Variants in HDC observed in about 807,000 individuals in gnomAD.
HDC encodes the protein histidine decarboxylase.
Under a neutral mutation model 64.4 loss-of-function variants are expected in HDC, and 27 were observed. That is an observed-to-expected ratio of 0.42 (90% CI 0.31 to 0.58). HDC has a LOEUF of 0.58. Ranked by LOEUF, HDC falls within the 20% of genes least tolerant of loss-of-function variation. HDC has a pLI of 0.16. For missense variants in HDC, 711 were observed against 833.9 expected (o/e 0.85, Z 1.81); for synonymous variants, 305 against 314.2 (o/e 0.97, Z 0.31).
chr15:50,253,417 G>T, intron 7 of HDC, 183 bp downstream of exon 7: 1 of 680,872 alleles, frequency 1.5e-6, no homozygotes, highest in Non-Finnish European at 2.7e-6. Flanking sequence ...CACACCACTG[G>T]GAAAGGCAAT....
At chr15:50,263,650 A>G (rs1332519768) in intron 1 of HDC, among the ~76,000 whole-genome samples, 1 of 152,058 alleles carries the variant, frequency 6.6e-6, no homozygotes, top group East Asian at 1.9e-4. Flanking sequence ...AATACAAAAA[A>G]TTAGCCGGGC....
chr15:50,254,594 G>GT lies in HDC; in HGVS notation c.511dup (p.Thr171AsnfsTer3). The GT allele has an allele frequency of 1.2e-6, 2 of 1,614,200 alleles. No individual in the cohort carries two copies. The highest frequency in any genetic ancestry group is 1.7e-6 in the Non-Finnish European group (2 of 1,180,014). On this transcript the variant is annotated frameshift_variant, in exon 5 of 12. Transcript: ENST00000267845. LOFTEE classifies it high-confidence loss of function. Reference sequence around the variant, plus strand: ...GGACTCATCAGCATCGGGCTCAGACGTTTTCATTTCCAGGATTTTGTTCTT... The same window carrying GT: ...GGACTCATCAGCATCGGGCTCAGACGTTTTTCATTTCCAGGATTTTGTTCTT...
chr15:50,254,056 C>CATG, intron 6 of HDC, 74 bp downstream of exon 6: 1 of 1,523,182 alleles, frequency 6.6e-7, no homozygotes, highest in Admixed American at 1.7e-5. Flanking sequence ...ATGTTACTTA[C>CATG]CTGAATTCTG....
intron 2 of HDC, among the ~76,000 whole-genome samples, chr15:50,262,714 C>G (rs189438994): frequency 6.6e-6 from 1 of 152,224 alleles, no homozygotes; most frequent in Non-Finnish European, 1.5e-5. Flanking sequence ...CCAGGGCCCA[C>G]TCAGTTTCCT....
At position 50,265,583 on chromosome 15, in the gene HDC, C is replaced by T. The variant is rs772984850; in HGVS notation, c.31+10G>A. The stretch of plus-strand genomic sequence containing the variant: ...AGCAGGGAAGAGGGCCAGGGATGCC[C>T]GTTGCTCACCTCTCTCTCTGTACTC... On this transcript the variant is annotated intron_variant, in intron 1 of 11. Transcript: ENST00000267845. 20 of 1,613,360 alleles carry T rather than the reference C, an allele frequency of 1.2e-5. No homozygotes were observed. Among genetic ancestry groups the T allele is most frequent in the East Asian group, 4.5e-5 (2 of 44,892 alleles).
Position 50,242,122 on chromosome 15 carries a change from A to G in HDC, c.*138T>C, listed in dbSNP as rs1253659350. 2.5e-6 allele frequency: 2 copies of G among 785,822 alleles called. No individual in the cohort carries two copies. The highest frequency in any genetic ancestry group is 4.4e-6 in the Non-Finnish European group (2 of 453,198). 48.7% of individuals were successfully genotyped at this position (785,822 alleles called of 1,614,324 possible). A position where few individuals can be genotyped will look rare whatever the true frequency, so the allele number is the denominator to read the frequency against. The stretch of plus-strand genomic sequence containing the variant: ...ATCCTATTGTGGGTCATGAACCCCT[A>G]TGAGAATTTGATTAAAATTATGAAC... On this transcript the variant is annotated 3_prime_UTR_variant, in exon 12 of 12. Coordinates refer to ENST00000267845, the MANE Select transcript of HDC (RefSeq NM_002112.4).
chr15:50,242,541 A>G lies in HDC; in HGVS notation c.1708T>C (p.Phe570Leu). 1 of 1,614,160 alleles carries G rather than the reference A, an allele frequency of 6.2e-7. No homozygotes were observed. The highest frequency in any genetic ancestry group is 1.7e-5 in the Admixed American group (1 of 60,010). ...TTAGTCTGCACAGACAAGTAACTGA[A>G]CAGGAAGGAGGACAGCTTGTGCTTG... ...ATKHKLSSFL[F>L]SYLSVQTKKK... The change falls in exon 12 of 12, where the codon TTC becomes CTC. Residue 570 changes from phenylalanine (F) to leucine (L), a missense_variant. Physicochemically the swap from Phe to Leu is conservative, Grantham distance 22. Around this residue, in one of 3 missense-constraint regions of HDC, gnomAD observed 483 missense variants for 540.9 expected, o/e 0.89. Transcript: ENST00000267845.
At chr15:50,250,650 T>C (rs758014586) in intron 9 of HDC, among the ~76,000 whole-genome samples, 31 of 152,138 alleles carry the variant, frequency 2.0e-4, no homozygotes, top group Non-Finnish European at 2.5e-4. Context: ...AATACACTCA[T>C]AGGAGAATGG....
At chr15:50,254,329 C>G (rs185448802) in intron 5 of HDC, 56 bp from the exon 6 acceptor site, 12 of 1,605,054 alleles carry the variant, frequency 7.5e-6, no homozygotes, top group South Asian at 3.3e-5. Flanking sequence ...GATCACCCCC[C>G]AGAAACTGCT....
intron 1 of HDC, among the ~76,000 whole-genome samples, chr15:50,265,292 G>C (rs2045752797): frequency 6.6e-6 from 1 of 152,114 alleles, no homozygotes; most frequent in Non-Finnish European, 1.5e-5. Context: ...TTCCCATCTA[G>C]TGGCTCAGGG....
intron 4 of HDC, 65 bp downstream of exon 4, chr15:50,257,360 T>A (rs1486061425): frequency 1.2e-6 from 2 of 1,607,238 alleles, no homozygotes; most frequent in Non-Finnish European, 1.7e-6. Flanking sequence ...ATTGCCAGGT[T>A]AGGGTTTGGC....
At chr15:50,252,371 C>T (rs184740149) in intron 9 of HDC, 59 bp downstream of exon 9, 8 of 1,359,224 alleles carry the variant, frequency 5.9e-6, no homozygotes, top group African/African-American at 5.7e-5. Flanking sequence ...GGGGGTCAGA[C>T]GCCTACAGTT....
intron 2 of HDC, among the ~76,000 whole-genome samples, chr15:50,261,866 T>C (rs1273632608): frequency 3.3e-5 from 5 of 151,966 alleles, no homozygotes; most frequent in African/African-American, 1.2e-4. Flanking sequence ...TGTGCCACCA[T>C]GCCCAGCTAA....
intron 10 of HDC, among the ~76,000 whole-genome samples, chr15:50,247,427 C>T (rs1366433960): frequency 6.6e-6 from 1 of 152,108 alleles, no homozygotes; most frequent in Non-Finnish European, 1.5e-5. Flanking sequence ...ATAGTTACCG[C>T]TTCCACCACT....
At position 50,242,631 on chromosome 15, in the gene HDC, G is replaced by C; in HGVS notation, c.1618C>G (p.Leu540Val). 5 of 1,614,180 alleles carry C rather than the reference G, an allele frequency of 3.1e-6. No individual in the cohort carries two copies. Among genetic ancestry groups the C allele is most frequent in the Non-Finnish European group, 4.2e-6 (5 of 1,180,026 alleles). Reference protein sequence around the residue: ...GAGPMKRENGLHLETLLDPVD... With the variant: ...GAGPMKRENGVHLETLLDPVD... ...GGGTCCAGCAGGGTTTCAAGATGGAGGCCATTTTCCCTTTTCATGGGACCG... is the reference window on the plus strand; with the variant it reads ...GGGTCCAGCAGGGTTTCAAGATGGACGCCATTTTCCCTTTTCATGGGACCG... Residue 540 changes from leucine to valine, a missense_variant, in exon 12 of 12, where the codon CTC becomes GTC. This residue lies in a region of HDC where 483 missense variants were observed against 540.9 expected (regional missense o/e 0.89). Coordinates refer to ENST00000267845, the MANE Select transcript of HDC (RefSeq NM_002112.4).
At chr15:50,253,979 C>A (rs968232882) in intron 6 of HDC, 151 bp downstream of exon 6, 37 of 812,748 alleles carry the variant, frequency 4.6e-5, no homozygotes, top group South Asian at 3.6e-4. Flanking sequence ...CCATAACACA[C>A]CTATGGATAG....
chr15:50,251,054 C>T (rs894245675), intron 9 of HDC, among the ~76,000 whole-genome samples: 2 of 152,222 alleles, frequency 1.3e-5, no homozygotes, highest in Non-Finnish European at 2.9e-5. Context: ...AGGGGTCAGA[C>T]ACTGCTCTCA....
rs1003709698 is a variant in HDC, at chr15:50,252,623, A to G, written c.939T>C (p.Cys313=). 7 of 1,614,156 alleles carry G rather than the reference A, an allele frequency of 4.3e-6. No individual in the cohort carries two copies. In the Admixed American group the frequency reaches 5.0e-5, roughly 12 times the overall value. ...GCTGCTACACTCACCAGAACCCAGT[A>G]CAGTCAAAATGCACCATCATCCACT... is the stretch of plus-strand genomic sequence containing the variant. The part of the protein sequence containing the change: ...PSKWMMVHFD[C]TGFWVKDKYK... Residue 313 remains cysteine, a synonymous_variant, in exon 8 of 12, where the codon TGT becomes TGC. Transcript: ENST00000267845.
At chr15:50,252,318 C>T in intron 9 of HDC, 112 bp downstream of exon 9, 1 of 794,378 alleles carries the variant, frequency 1.3e-6, no homozygotes, top group Non-Finnish European at 2.2e-6. Context: ...GAGATGAGCT[C>T]ATAGTGTGCT....
Sources: gnomAD v4.1 joint callset for allele counts (sites outside exome capture counted in the v4.1 genomes callset) on GRCh38, gnomAD v4.1.1 for gene constraint, gnomAD v4.1.1 regional missense constraint, MANE v1.5 for transcripts, NCBI Gene and HGNC (gene_info 2026-07-23, HGNC 2026-07-21) for gene names.